Variants in ARHGAP32 observed in about 807,000 individuals in gnomAD.
ARHGAP32 encodes the protein rho GTPase-activating protein 32.
ARHGAP32 carries 51 observed loss-of-function variants against 186.5 expected under a neutral mutation model. The ratio of observed to expected loss-of-function variants is 0.27; its 90% confidence interval spans 0.22 to 0.35. The LOEUF (loss-of-function observed/expected upper bound fraction) is 0.35, where lower values mean the gene tolerates loss of function less well. Ranked by LOEUF, ARHGAP32 falls within the 10% of genes least tolerant of loss-of-function variation. The pLI, the probability that ARHGAP32 is intolerant of heterozygous loss-of-function variation, is 1.00. For synonymous variants in ARHGAP32, 950 were observed against 964.3 expected (o/e 0.99, Z 0.27); for missense variants, 2,186 against 2,623.5 (o/e 0.83, Z 3.64).
chr11:129,017,291 T>C (rs1260027217), intron 11 of ARHGAP32, among the ~76,000 whole-genome samples: 1 of 151,936 alleles, frequency 6.6e-6, no homozygotes, highest in East Asian at 1.9e-4. Flanking sequence ...CTGTCTCTAC[T>C]AAAAATACAA....
At chr11:129,128,996 G>GGCC (rs1942731880) in intron 2 of ARHGAP32, among the ~76,000 whole-genome samples, 1 of 152,144 alleles carries the variant, frequency 6.6e-6, no homozygotes, top group Non-Finnish European at 1.5e-5. Flanking sequence ...GCCTCTGCCT[G>GGCC]GCCGCCACCC....
At chr11:129,170,089 C>T (rs966289885) in intron 1 of ARHGAP32, among the ~76,000 whole-genome samples, 9 of 151,514 alleles carry the variant, frequency 5.9e-5, no homozygotes, top group African/African-American at 1.7e-4. Context: ...GGATAGTGAC[C>T]GAATGAGTTT....
At chr11:129,008,119 A>G (rs1280473674) in intron 11 of ARHGAP32, among the ~76,000 whole-genome samples, 1 of 152,118 alleles carries the variant, frequency 6.6e-6, no homozygotes, top group Non-Finnish European at 1.5e-5. Flanking sequence ...GGCAAAGGTG[A>G]TTTAAGACTG....
At chr11:128,989,105 T>C (rs1297635911) in intron 12 of ARHGAP32, among the ~76,000 whole-genome samples, 1 of 152,200 alleles carries the variant, frequency 6.6e-6, no homozygotes, top group Non-Finnish European at 1.5e-5. Context: ...AGTGAATGTA[T>C]TTCATTAACA....
Position 129,274,827 on chromosome 11 carries a change from G to C in ARHGAP32, c.-5+4319C>G, listed in dbSNP as rs558431645. On this transcript the variant is annotated intron_variant, in intron 1 of 6. Coordinates refer to the ARHGAP32 transcript ENST00000525234. Reference sequence around the variant, plus strand: ...AGATGTTAATGCAAATCATAAGGAAGACTTTAGAGTACATATACATATGGG... The same window carrying C: ...AGATGTTAATGCAAATCATAAGGAACACTTTAGAGTACATATACATATGGG... Among the ~76,000 whole-genome samples, 7 of 151,126 alleles carry C rather than the reference G, an allele frequency of 4.6e-5. No individual in the cohort carries two copies. The South Asian group carries it at 1.3e-3, about 27-fold the overall frequency.
intron 6 of ARHGAP32, among the ~76,000 whole-genome samples, chr11:129,085,304 G>T (rs73017261): frequency 0.07 from 10,665 of 152,078 alleles, 432 homozygotes; most frequent in Middle Eastern, 0.082. Flanking sequence ...GGGATTACAG[G>T]CATGAGCCAG....
At chr11:129,249,267 G>A (rs965736028) in intron 1 of ARHGAP32, among the ~76,000 whole-genome samples, 2 of 151,690 alleles carry the variant, frequency 1.3e-5, no homozygotes, top group African/African-American at 4.8e-5. Flanking sequence ...TAAAAAAACA[G>A]TAATACTCTT....
intron 1 of ARHGAP32, among the ~76,000 whole-genome samples, chr11:129,231,801 A>C (rs1225224786): frequency 6.6e-6 from 1 of 151,824 alleles, no homozygotes; most frequent in Non-Finnish European, 1.5e-5. Flanking sequence ...GAAGCAGGCG[A>C]ATCACTTGAG....
rs201492949 is a variant in ARHGAP32, at chr11:129,164,376, T to C, written c.168A>G (p.Leu56=). ...HSEEDDFVPE[L]HRNVHPRERP... is the part of the protein sequence containing the mutation. ...GCTCTCGAGGGTGTACATTTCTATG[T>C]AGCTCTGGAACAAAATCATCTTCTT... The change falls in exon 2 of 23, where the codon CTA becomes CTG. Residue 56 remains leucine (L), a synonymous_variant. Transcript: ENST00000682385. 1.6e-3 allele frequency: 2,561 copies of C among 1,583,056 alleles called. 17 individuals are homozygous for C. The highest frequency in any genetic ancestry group is 8.1e-3 in the South Asian group (701 of 86,330).
intron 1 of ARHGAP32, among the ~76,000 whole-genome samples, chr11:129,249,706 C>T (rs1471277043): frequency 2.6e-5 from 4 of 151,714 alleles, no homozygotes; most frequent in African/African-American, 9.7e-5. Context: ...CAAGAAATGA[C>T]TAAATAAGGA....
intron 5 of ARHGAP32, among the ~76,000 whole-genome samples, chr11:129,121,557 G>C (rs1942530136): frequency 6.6e-6 from 1 of 151,976 alleles, no homozygotes; most frequent in African/African-American, 2.4e-5. Context: ...GGTTTCCTTT[G>C]AACCACCCCT....
At chr11:129,130,349 T>C (rs1251716504) in intron 2 of ARHGAP32, among the ~76,000 whole-genome samples, 2 of 151,556 alleles carry the variant, frequency 1.3e-5, no homozygotes, top group Non-Finnish European at 2.9e-5. Context: ...GGATGGAAAT[T>C]CATTCATTAT....
intron 1 of ARHGAP32, among the ~76,000 whole-genome samples, chr11:129,179,379 A>G (rs1281689970): frequency 1.3e-5 from 2 of 152,234 alleles, no homozygotes; most frequent in Non-Finnish European, 2.9e-5. Context: ...TGTGGAAGTC[A>G]GTGTGGCCAT....
chr11:129,215,235 G>A (rs1297591673), intron 1 of ARHGAP32, among the ~76,000 whole-genome samples: 3 of 152,036 alleles, frequency 2.0e-5, no homozygotes, highest in East Asian at 3.9e-4. Context: ...TTATGATTTG[G>A]TTAGGATTAG....
At chr11:129,111,521 A>C (rs1013679300) in intron 5 of ARHGAP32, among the ~76,000 whole-genome samples, 12 of 152,166 alleles carry the variant, frequency 7.9e-5, no homozygotes, top group African/African-American at 2.9e-4. Flanking sequence ...GAAGCCATCC[A>C]TTCCTGAGAT....
chr11:129,104,554 A>G (rs1941997163), intron 5 of ARHGAP32, among the ~76,000 whole-genome samples: 2 of 152,158 alleles, frequency 1.3e-5, no homozygotes, highest in Middle Eastern at 3.4e-3. Flanking sequence ...AAATTTTTAA[A>G]TGTCAATAAC....
At chr11:129,165,616 A>G (rs1036753638) in intron 1 of ARHGAP32, among the ~76,000 whole-genome samples, 1 of 150,042 alleles carries the variant, frequency 6.7e-6, no homozygotes, top group Non-Finnish European at 1.5e-5. Flanking sequence ...GAAAATTGAG[A>G]AAAAAAATAG....
chr11:128,981,558 T>C lies in ARHGAP32; in HGVS notation c.1638A>G (p.Ser546=). 1 of 1,609,768 alleles carries C rather than the reference T, an allele frequency of 6.2e-7. No individual in the cohort carries two copies. The highest frequency in any genetic ancestry group is 8.5e-7 in the Non-Finnish European group (1 of 1,177,132). Residue 546 remains serine (S), a synonymous_variant, in exon 17 of 23, where the codon TCA becomes TCG. Transcript: ENST00000682385. ...AIVWAPNLLR[S]KQIESACFSG... is the part of the protein sequence containing the mutation. ...TGAAGCAGGCAGATTCTATCTGTTT[T>C]GATCTGTGAGGTAAACATTTTCATC... is the stretch of plus-strand genomic sequence containing the variant.
At chr11:129,278,393 A>G (rs1284584178) in intron 1 of ARHGAP32, among the ~76,000 whole-genome samples, 3 of 152,176 alleles carry the variant, frequency 2.0e-5, no homozygotes, top group Admixed American at 1.3e-4. Flanking sequence ...CCTTCCTTCC[A>G]TCTTCAAGTT....
Sources: allele counts gnomAD v4.1 joint callset (sites outside exome capture counted in the v4.1 genomes callset), GRCh38; gene constraint gnomAD v4.1.1; transcripts MANE v1.5; gene names NCBI Gene and HGNC (gene_info 2026-07-23, HGNC 2026-07-21).